The following CLCN5 variants were observed in gnomAD, a reference collection of about 807,000 sequenced individuals.
CLCN5 encodes the protein Cl-/H+ antiporter 5, also known as H(+)/Cl(-) exchange transporter 5.
A neutral mutation model predicts 54.0 loss-of-function variants in CLCN5; 17 were observed. That is an observed-to-expected ratio of 0.31 (90% CI 0.22 to 0.47). The LOEUF is 0.47. Among genes scored for constraint, CLCN5 ranks in the 20% least tolerant of loss-of-function variants. The pLI is 1.00. For missense variants in CLCN5, 448 were observed against 646.7 expected (o/e 0.69, Z 3.33); for synonymous variants, 222 against 233.0 (o/e 0.95, Z 0.43).
intron 4 of CLCN5, among the ~76,000 whole-genome samples, chrX:50,062,170 A>T (rs1246566895): frequency 7.2e-5 from 7 of 97,891 alleles, no homozygotes; most frequent in Non-Finnish European, 1.4e-4. Context: ...TTAACTTTAA[A>T]TGTAAATGGA....
At chrX:50,067,910 C>G (rs1338690300) in intron 4 of CLCN5, 1 of 129,498 alleles carries the variant, frequency 7.7e-6, no homozygotes, top group Non-Finnish European at 1.4e-5. Flanking sequence ...AACCAGACTA[C>G]AAAGGAGGAT....
chrX:49,979,443 G>A (rs1386017017), intron 3 of CLCN5, among the ~76,000 whole-genome samples: 2 of 111,714 alleles, frequency 1.8e-5, no homozygotes, highest in African/African-American at 3.2e-5. Flanking sequence ...TATAAGTCTC[G>A]TATATTGCTC....
At chrX:50,080,793 G>A (rs1397428508) in intron 8 of CLCN5, 77 bp downstream of exon 8, 2 of 830,456 alleles carry the variant, frequency 2.4e-6, no homozygotes, top group African/African-American at 4.0e-5. Flanking sequence ...ATGTATTCCA[G>A]CACATACCAC....
At chrX:50,005,559 G>T (rs929567434) in intron 3 of CLCN5, among the ~76,000 whole-genome samples, 1 of 111,568 alleles carries the variant, frequency 9.0e-6, no homozygotes, top group Non-Finnish European at 1.9e-5. Context: ...TAATGAGTTG[G>T]TTCACTAGCT....
chrX:50,015,073 A>G (rs1444832171), intron 3 of CLCN5, among the ~76,000 whole-genome samples: 1 of 111,241 alleles, frequency 9.0e-6, no homozygotes, highest in African/African-American at 3.3e-5. Flanking sequence ...GAGTGCATAT[A>G]TGTCTCTTTT....
chrX:50,056,977 T>A (rs1932759993), intron 4 of CLCN5, among the ~76,000 whole-genome samples: 1 of 112,236 alleles, frequency 8.9e-6, no homozygotes, highest in African/African-American at 3.2e-5. Context: ...ATAGAGTTTC[T>A]TCTTTGTTGT....
chrX:50,086,076 T>C lies in CLCN5; in HGVS notation c.1014+16T>C. 1.8e-6 allele frequency: 2 copies of C among 1,116,137 alleles called. No homozygotes were observed. Among genetic ancestry groups the C allele is most frequent in the East Asian group, 3.0e-5 (1 of 33,455 alleles). The allele number at this position is 1,116,137 out of a possible 1,213,427, so 92.0% of individuals were successfully genotyped here. On this transcript the variant is annotated intron_variant, in intron 10 of 14. Transcript: ENST00000376091. ...CCTTGAAGAGGTAACAACTTTTCAT[T>C]GTACAGCATGTGCATGCTTTTGTGT...
intron 3 of CLCN5, among the ~76,000 whole-genome samples, chrX:49,942,129 T>A (rs782123622): frequency 1.1e-5 from 1 of 89,684 alleles, no homozygotes; most frequent in Non-Finnish European, 2.2e-5. Context: ...TTCTTTTTTT[T>A]AATCTTGATT....
intron 3 of CLCN5, among the ~76,000 whole-genome samples, chrX:49,964,022 T>C (rs1278907977): frequency 8.9e-6 from 1 of 112,113 alleles, no homozygotes; most frequent in Admixed American, 9.5e-5. Context: ...TATGGTACAG[T>C]TGCTTTGGCC....
In CLCN5 at chrX:50,081,708, C is replaced by T. The variant is rs1557193182; in HGVS notation, c.794C>T (p.Thr265Ile). 8.3e-7 allele frequency: 1 copy of T among 1,209,174 alleles called. No homozygotes were observed. The highest frequency in any genetic ancestry group is 1.8e-5 in the African/African-American group (1 of 57,086). ...GGTAAGTGGACTCTGGTTATCAAAA[C>T]CATCACCTTGGTGCTGGCAGTGTCA... is the stretch of plus-strand genomic sequence containing the variant. ...YLGKWTLVIK[T>I]ITLVLAVSSG... The change falls in exon 9 of 15, where the codon ACC (threonine) becomes ATC (isoleucine). Residue 265 changes from threonine (T) to isoleucine (I), a missense_variant. Around this residue, in one of 5 missense-constraint regions of CLCN5, gnomAD observed 297 missense variants for 470.4 expected, o/e 0.63. Coordinates refer to ENST00000376091, the MANE Select transcript of CLCN5 (RefSeq NM_001127898.4).
At chrX:49,994,398 G>A (rs1929409943) in intron 3 of CLCN5, among the ~76,000 whole-genome samples, 1 of 110,592 alleles carries the variant, frequency 9.0e-6, no homozygotes, top group Non-Finnish European at 1.9e-5. Context: ...GGAAGAAGTG[G>A]CAACAAATAT....
chrX:49,955,063 C>T (rs782661015), intron 3 of CLCN5, among the ~76,000 whole-genome samples: 12 of 110,878 alleles, frequency 1.1e-4, no homozygotes, highest in Admixed American at 2.9e-4. Flanking sequence ...TACTAACTCG[C>T]CTTTCATGTG....
intron 3 of CLCN5, among the ~76,000 whole-genome samples, chrX:50,001,338 ACTAC>A (rs1453891879): frequency 1.8e-5 from 2 of 110,411 alleles, no homozygotes; most frequent in East Asian, 2.9e-4. Context: ...ATTAAAAAGC[ACTAC>A]CTTCTCTACC....
At chrX:49,927,541 C>A (rs138828597) in intron 3 of CLCN5, among the ~76,000 whole-genome samples, 3 of 112,186 alleles carry the variant, frequency 2.7e-5, no homozygotes, top group African/African-American at 9.7e-5. Context: ...GAGTTCTACT[C>A]CATTGGTTCT....
intron 3 of CLCN5, among the ~76,000 whole-genome samples, chrX:50,007,254 A>C (rs1930196551): frequency 1.8e-5 from 2 of 112,134 alleles, no homozygotes; most frequent in Non-Finnish European, 1.9e-5. Flanking sequence ...TGAGCATGCA[A>C]GGGAGGCCCA....
At chrX:50,046,113 T>C (rs782289354) in intron 4 of CLCN5, among the ~76,000 whole-genome samples, 2 of 112,066 alleles carry the variant, frequency 1.8e-5, no homozygotes, top group Non-Finnish European at 3.8e-5. Flanking sequence ...AGTTTGTAAA[T>C]TAGAAGAAAC....
At chrX:49,938,226 T>C (rs1279376187) in intron 3 of CLCN5, among the ~76,000 whole-genome samples, 2 of 111,740 alleles carry the variant, frequency 1.8e-5, no homozygotes, top group African/African-American at 6.5e-5. Flanking sequence ...AGGTAATTTA[T>C]AGATTCAATG....
At chrX:50,081,275 G>T (rs1933687725) in intron 8 of CLCN5, among the ~76,000 whole-genome samples, 2 of 108,412 alleles carry the variant, frequency 1.8e-5, no homozygotes, top group African/African-American at 6.7e-5. Context: ...CTTTAAGGTT[G>T]TTTCAGGGAC....
intron 6 of CLCN5, among the ~76,000 whole-genome samples, chrX:50,073,674 A>G (rs1933306121): frequency 8.9e-6 from 1 of 111,810 alleles, no homozygotes; most frequent in Admixed American, 9.5e-5. Flanking sequence ...TGGCTTATCT[A>G]TAGCTGGGTT....
Sources: gnomAD v4.1 joint callset for allele counts (sites outside exome capture counted in the v4.1 genomes callset) on GRCh38, gnomAD v4.1.1 for gene constraint, gnomAD v4.1.1 regional missense constraint, MANE v1.5 for transcripts, NCBI Gene and HGNC (gene_info 2026-07-23, HGNC 2026-07-21) for gene names.